The following GPC5 variants were observed in gnomAD, a reference collection of about 807,000 sequenced individuals.
The protein encoded by GPC5 is glypican-5.
In GPC5, 47 loss-of-function variants were observed where a neutral mutation model predicts 53.9. That is an observed-to-expected ratio of 0.87 (90% CI 0.69 to 1.11). The LOEUF (loss-of-function observed/expected upper bound fraction) is 1.11. Ranked by LOEUF, GPC5 falls within the 50% of genes most tolerant of loss-of-function variation. The pLI, the probability that GPC5 is intolerant of heterozygous loss-of-function variation, is 0.00. For synonymous variants in GPC5, 286 were observed against 263.3 expected (o/e 1.09, Z -0.84); for missense variants, 748 against 713.1 (o/e 1.05, Z -0.56).
At chr13:91,773,595 G>T (rs923124714) in intron 5 of GPC5, among the ~76,000 whole-genome samples, 15 of 152,158 alleles carry the variant, frequency 9.9e-5, no homozygotes, top group African/African-American at 3.6e-4. Flanking sequence ...TTTGGTTAAA[G>T]ATTTCTCCAT....
chr13:92,372,491 A>G (rs2043658946), intron 7 of GPC5, among the ~76,000 whole-genome samples: 1 of 152,164 alleles, frequency 6.6e-6, no homozygotes, highest in Admixed American at 6.6e-5. Context: ...CCCCTCAATT[A>G]AATAGAATTA....
intron 6 of GPC5, among the ~76,000 whole-genome samples, chr13:91,916,071 C>A (rs1323432130): frequency 1.3e-5 from 2 of 152,152 alleles, no homozygotes; most frequent in South Asian, 4.1e-4. Context: ...TTTATAGGCA[C>A]TAACTGTATA....
At chr13:92,212,613 G>A (rs893311752) in intron 7 of GPC5, among the ~76,000 whole-genome samples, 1 of 152,184 alleles carries the variant, frequency 6.6e-6, no homozygotes, top group Non-Finnish European at 1.5e-5. Flanking sequence ...GGGACCCTAA[G>A]TAGTAATGAA....
chr13:92,115,198 C>A (rs975466725), intron 6 of GPC5, among the ~76,000 whole-genome samples: 5 of 152,058 alleles, frequency 3.3e-5, no homozygotes, highest in African/African-American at 9.7e-5. Flanking sequence ...CATGTAACCA[C>A]CACCAAAATT....
chr13:92,088,136 T>A (rs2041350371), intron 6 of GPC5, among the ~76,000 whole-genome samples: 1 of 152,082 alleles, frequency 6.6e-6, no homozygotes, highest in South Asian at 2.1e-4. Context: ...AATTTGCTAC[T>A]TTACTTTCTC....
At chr13:91,512,012 G>A (rs905013666) in intron 2 of GPC5, among the ~76,000 whole-genome samples, 6 of 152,162 alleles carry the variant, frequency 3.9e-5, no homozygotes, top group Non-Finnish European at 8.8e-5. Flanking sequence ...TAATGTGGGA[G>A]TCTGAGTCAA....
At chr13:91,875,954 G>A (rs1422582998) in intron 5 of GPC5, among the ~76,000 whole-genome samples, 8 of 152,200 alleles carry the variant, frequency 5.3e-5, no homozygotes, top group Admixed American at 5.2e-4. Flanking sequence ...TTGTGGGAGG[G>A]ACCCAGGGGG....
chr13:92,518,483 A>C (rs2138963964), intron 7 of GPC5, among the ~76,000 whole-genome samples: 1 of 152,306 alleles, frequency 6.6e-6, no homozygotes, highest in Admixed American at 6.5e-5. Context: ...CAACATTCTT[A>C]AAGAAAAGAA....
chr13:91,503,295 A>G (rs1021747631), intron 2 of GPC5, among the ~76,000 whole-genome samples: 1 of 152,160 alleles, frequency 6.6e-6, no homozygotes, highest in Non-Finnish European at 1.5e-5. Flanking sequence ...TGAACCAACA[A>G]AAATGACTCA....
intron 2 of GPC5, among the ~76,000 whole-genome samples, chr13:91,487,311 A>G (rs1314210020): frequency 6.6e-6 from 1 of 152,178 alleles, no homozygotes; most frequent in Non-Finnish European, 1.5e-5. Context: ...GTTAGTAGGG[A>G]GAATGAATGG....
intron 7 of GPC5, among the ~76,000 whole-genome samples, chr13:92,481,385 C>G (rs569276057): frequency 2.0e-5 from 3 of 152,062 alleles, no homozygotes; most frequent in East Asian, 3.9e-4. Flanking sequence ...GCAGGCATGA[C>G]CCACCGCGCC....
chr13:92,170,420 C>CTTTTTTTTTTTTTTTTTTTTT (rs61418155), intron 7 of GPC5, among the ~76,000 whole-genome samples: 33 of 75,262 alleles, frequency 4.4e-4, no homozygotes, highest in East Asian at 8.9e-4. Context: ...CTTTTCTTTG[C>CTTTTTTTTTTTTTTTTTTTTT]TTTTTTTTTT....
At chr13:92,313,871 A>G (rs1383665028) in intron 7 of GPC5, among the ~76,000 whole-genome samples, 1 of 152,104 alleles carries the variant, frequency 6.6e-6, no homozygotes, top group East Asian at 1.9e-4. Context: ...CCAGAATGCT[A>G]TTTTCACACA....
intron 7 of GPC5, among the ~76,000 whole-genome samples, chr13:92,170,934 T>C (rs995653288): frequency 7.2e-5 from 11 of 152,184 alleles, no homozygotes; most frequent in Non-Finnish European, 8.8e-5. Flanking sequence ...TGTCAAAGTA[T>C]AAAATTTATG....
At chr13:92,451,342 A>G (rs746894113) in intron 7 of GPC5, among the ~76,000 whole-genome samples, 3 of 152,188 alleles carry the variant, frequency 2.0e-5, no homozygotes, top group Non-Finnish European at 4.4e-5. Flanking sequence ...GAAATGAACA[A>G]TCTGGTCTAG....
chr13:92,360,779 G>C lies in GPC5; in HGVS notation c.1561+215790G>C, dbSNP rs530692532. The stretch of plus-strand genomic sequence containing the variant: ...TCAGCTCATAAACAACTTCAGCGAA[G>C]TTTCAGGATACAAAATCATTTTACA... On this transcript the variant is annotated intron_variant, in intron 7 of 7. Coordinates refer to ENST00000377067, the MANE Select transcript of GPC5 (RefSeq NM_004466.6). Among the ~76,000 whole-genome samples, 5 of 151,912 alleles carry C rather than the reference G, an allele frequency of 3.3e-5. 1 individual carries two copies. Among genetic ancestry groups the C allele is most frequent in the African/African-American group, 1.2e-4 (5 of 41,184 alleles).
Position 91,794,100 on chromosome 13 carries a change from A to T in GPC5, c.1280+37680A>T, listed in dbSNP as rs187157053. Among the ~76,000 whole-genome samples the T allele has an allele frequency of 1.1e-4, 16 of 152,296 alleles. No homozygotes were observed. The East Asian group carries it at 3.1e-3, about 29-fold the overall frequency. On this transcript the variant is annotated intron_variant, in intron 5 of 7. Coordinates refer to ENST00000377067, the MANE Select transcript of GPC5 (RefSeq NM_004466.6). ...TATTATATAAAATTATTAGTAATGT[A>T]ATAATGCCTCAGCATTATTCCTCTG...
chr13:92,840,082 T>TATATATATATATATATATACAC (rs1878376965), intron 7 of GPC5, among the ~76,000 whole-genome samples: 1 of 10,710 alleles, frequency 9.3e-5, no homozygotes, highest in African/African-American at 4.4e-4. Flanking sequence ...TACATACATA[T>TATATATATATATATATATACAC]ATATATATAT....
chr13:92,487,415 G>A (rs1879595365), intron 7 of GPC5, among the ~76,000 whole-genome samples: 1 of 152,102 alleles, frequency 6.6e-6, no homozygotes, highest in Non-Finnish European at 1.5e-5. Context: ...TCTTAGTTGT[G>A]TCTAAAATTG....
Sources: allele counts gnomAD v4.1 joint callset (sites outside exome capture counted in the v4.1 genomes callset), GRCh38; gene constraint gnomAD v4.1.1; transcripts MANE v1.5; gene names NCBI Gene and HGNC (gene_info 2026-07-23, HGNC 2026-07-21).